The following TMEM117 variants were observed in gnomAD, a reference collection of about 807,000 sequenced individuals.
TMEM117 encodes transmembrane protein 117.
Under a neutral mutation model 52.4 loss-of-function variants are expected in TMEM117, and 27 were observed. The ratio of observed to expected loss-of-function variants is 0.51; its 90% CI spans 0.38 to 0.71. The LOEUF is 0.71. Ranked by LOEUF, TMEM117 falls within the 30% of genes least tolerant of loss-of-function variation. The pLI is 0.00. For missense variants in TMEM117, 556 were observed against 630.5 expected (o/e 0.88, Z 1.26); for synonymous variants, 215 against 206.3 (o/e 1.04, Z -0.36).
chr12:44,148,466 T>C (rs1948676620), intron 4 of TMEM117, among the ~76,000 whole-genome samples: 1 of 152,228 alleles, frequency 6.6e-6, no homozygotes, highest in Non-Finnish European at 1.5e-5. Context: ...AGAAAAAAGG[T>C]ATTTTTTAGA....
At chr12:43,883,158 A>G (rs2137456045) in intron 2 of TMEM117, among the ~76,000 whole-genome samples, 1 of 152,340 alleles carries the variant, frequency 6.6e-6, no homozygotes, top group South Asian at 2.1e-4. Context: ...GTTATTTAGT[A>G]TATACAAGTA....
chr12:44,240,582 C>T (rs1286138726), intron 5 of TMEM117, among the ~76,000 whole-genome samples: 1 of 152,012 alleles, frequency 6.6e-6, no homozygotes, highest in East Asian at 1.9e-4. Flanking sequence ...CTTAAGAAAT[C>T]GGTATGTATA....
intron 3 of TMEM117, among the ~76,000 whole-genome samples, chr12:43,947,729 T>C (rs1766053230): frequency 6.6e-6 from 1 of 152,234 alleles, no homozygotes; most frequent in African/African-American, 2.4e-5. Context: ...TATAGGTCTC[T>C]CTAGGAATAC....
intron 6 of TMEM117, among the ~76,000 whole-genome samples, chr12:44,348,003 G>T (rs910982744): frequency 5.3e-5 from 8 of 151,956 alleles, no homozygotes; most frequent in African/African-American, 1.4e-4. Context: ...CACAAATAGT[G>T]ACCAATGGAG....
Position 44,083,697 on chromosome 12 carries a change from C to T in TMEM117, c.411-59828C>T, listed in dbSNP as rs550837210. 7 of 152,142 alleles carry T rather than the reference C, an allele frequency of 4.6e-5. No homozygotes were observed. The South Asian group carries it at 1.5e-3, about 32-fold the overall frequency. 9.4% of individuals were successfully genotyped at this position (152,142 alleles called of 1,614,324 possible). On this transcript the variant is annotated intron_variant, in intron 3 of 7. Transcript: ENST00000266534. ...GGGATTACAGGTATAAACTACTGCA[C>T]CTGGCCAGATTTCATAATTCATGCT... is the stretch of plus-strand genomic sequence containing the variant.
At chr12:44,132,370 T>A (rs1169621313) in intron 3 of TMEM117, among the ~76,000 whole-genome samples, 1 of 151,968 alleles carries the variant, frequency 6.6e-6, no homozygotes, top group Admixed American at 6.6e-5. Context: ...CCATCTAAGT[T>A]AGGTGGGGTG....
intron 3 of TMEM117, among the ~76,000 whole-genome samples, chr12:44,000,154 C>T (rs1198095988): frequency 6.6e-6 from 1 of 152,114 alleles, no homozygotes; most frequent in East Asian, 1.9e-4. Context: ...GCCCCTTTGG[C>T]TCCTGGGAGG....
chr12:43,932,671 T>A (rs1297880131), intron 2 of TMEM117, among the ~76,000 whole-genome samples: 1 of 152,248 alleles, frequency 6.6e-6, no homozygotes, highest in Non-Finnish European at 1.5e-5. Context: ...TACATTATTC[T>A]TGGATATTAC....
chr12:43,983,760 T>C (rs965253576), intron 3 of TMEM117, among the ~76,000 whole-genome samples: 1 of 151,018 alleles, frequency 6.6e-6, no homozygotes, highest in African/African-American at 2.4e-5. Flanking sequence ...AAACTCAGAG[T>C]GAAAAAAACT....
At chr12:43,861,252 G>A (rs1943484253) in intron 2 of TMEM117, among the ~76,000 whole-genome samples, 1 of 152,122 alleles carries the variant, frequency 6.6e-6, no homozygotes, top group African/African-American at 2.4e-5. Flanking sequence ...CCCCCATAGA[G>A]TAAGAAAAGC....
chr12:44,154,558 T>C (rs2138236386), intron 4 of TMEM117, among the ~76,000 whole-genome samples: 1 of 152,086 alleles, frequency 6.6e-6, no homozygotes, highest in Middle Eastern at 3.4e-3. Context: ...ACCTAATAAT[T>C]TTCAAAACCC....
At chr12:44,019,794 T>C (rs1390139460) in intron 3 of TMEM117, among the ~76,000 whole-genome samples, 1 of 152,200 alleles carries the variant, frequency 6.6e-6, no homozygotes, top group Non-Finnish European at 1.5e-5. Flanking sequence ...ATTCTGTCTC[T>C]AGAAAGTTTT....
rs187232374 is a variant in TMEM117, at chr12:44,050,331, C to T, written c.411-93194C>T. 2.7e-3 allele frequency among the ~76,000 whole-genome samples: 415 copies of T among 152,248 alleles called. 4 individuals are homozygous for T. Among genetic ancestry groups the T allele is most frequent in the African/African-American group, 9.4e-3 (391 of 41,542 alleles). On this transcript the variant is annotated intron_variant, in intron 3 of 7. Transcript: ENST00000266534. ...AGCTGGGATTACAAGCGTGTACCAC[C>T]ACGCCTGGCTAATTTTTGCATTTTT...
intron 6 of TMEM117, among the ~76,000 whole-genome samples, chr12:44,303,837 A>G (rs1381110936): frequency 6.6e-6 from 1 of 152,178 alleles, no homozygotes; most frequent in East Asian, 1.9e-4. Flanking sequence ...ACCACTACAC[A>G]ATCTATCCAT....
chr12:44,026,181 C>T (rs1472271179), intron 3 of TMEM117, among the ~76,000 whole-genome samples: 1 of 152,152 alleles, frequency 6.6e-6, no homozygotes, highest in Non-Finnish European at 1.5e-5. Flanking sequence ...TTGGCTTGCT[C>T]CTTGCTGTGG....
chr12:44,117,741 G>GT (rs1158279198), intron 3 of TMEM117, among the ~76,000 whole-genome samples: 3 of 151,906 alleles, frequency 2.0e-5, no homozygotes, highest in Non-Finnish European at 4.4e-5. Flanking sequence ...AACCATCTGT[G>GT]TTTTTGTCTT....
chr12:44,047,625 A>T (rs982902813), intron 3 of TMEM117, among the ~76,000 whole-genome samples: 1 of 152,208 alleles, frequency 6.6e-6, no homozygotes, highest in African/African-American at 2.4e-5. Flanking sequence ...TAAGGAGTCA[A>T]TAATTTTACC....
chr12:44,311,723 A>ATG, intron 6 of TMEM117, among the ~76,000 whole-genome samples: 1 of 142,384 alleles, frequency 7.0e-6, no homozygotes, highest in African/African-American at 2.7e-5. Flanking sequence ...TTAAATATAT[A>ATG]TATGTATATA....
intron 6 of TMEM117, among the ~76,000 whole-genome samples, chr12:44,370,060 A>G (rs905147255): frequency 6.6e-6 from 1 of 152,184 alleles, no homozygotes; most frequent in African/African-American, 2.4e-5. Context: ...GTCATCCGCT[A>G]TGTGAAATGA....
Sources: allele counts gnomAD v4.1 joint callset (sites outside exome capture counted in the v4.1 genomes callset), GRCh38; gene constraint gnomAD v4.1.1; transcripts MANE v1.5; gene names NCBI Gene and HGNC (gene_info 2026-07-23, HGNC 2026-07-21).